The following CNTNAP2 variants were observed in gnomAD, a reference collection of about 807,000 sequenced individuals.
CNTNAP2 encodes contactin-associated protein-like 2.
Under a neutral mutation model 155.2 loss-of-function variants are expected in CNTNAP2, and 98 were observed. That is an observed-to-expected ratio of 0.63 (90% confidence interval 0.54 to 0.75). The LOEUF (loss-of-function observed/expected upper bound fraction) is 0.75. Ranked by LOEUF, CNTNAP2 falls within the 30% of genes least tolerant of loss-of-function variation. The pLI is 0.00. For missense variants in CNTNAP2, 1,727 were observed against 1,688.1 expected (o/e 1.02, Z -0.40); for synonymous variants, 651 against 631.2 (o/e 1.03, Z -0.47).
intron 8 of CNTNAP2, among the ~76,000 whole-genome samples, chr7:147,267,198 C>T (rs1264307509): frequency 2.0e-5 from 3 of 152,186 alleles, no homozygotes; most frequent in Non-Finnish European, 4.4e-5. Flanking sequence ...TTTGGTATTG[C>T]TGTATCCATA....
intron 10 of CNTNAP2, among the ~76,000 whole-genome samples, chr7:147,448,188 C>G (rs1797773104): frequency 6.6e-6 from 1 of 152,052 alleles, no homozygotes; most frequent in South Asian, 2.1e-4. Context: ...CATCTTCCCT[C>G]TGTTTCTGAA....
intron 8 of CNTNAP2, among the ~76,000 whole-genome samples, chr7:147,163,730 G>T (rs1393334773): frequency 6.6e-6 from 1 of 152,132 alleles, no homozygotes; most frequent in Admixed American, 6.6e-5. Flanking sequence ...AAATAAGTAT[G>T]TACCATATCA....
chr7:146,854,634 A>G (rs546508101), intron 3 of CNTNAP2, among the ~76,000 whole-genome samples: 10 of 152,320 alleles, frequency 6.6e-5, no homozygotes, highest in South Asian at 4.1e-4. Flanking sequence ...TCAGCATGAT[A>G]TAAGTACACG....
At chr7:148,337,069 G>A (rs1312829130) in intron 21 of CNTNAP2, among the ~76,000 whole-genome samples, 1 of 152,008 alleles carries the variant, frequency 6.6e-6, no homozygotes, top group Non-Finnish European at 1.5e-5. Flanking sequence ...ATTCATTCCC[G>A]AAATATTTAT....
intron 1 of CNTNAP2, among the ~76,000 whole-genome samples, chr7:146,395,813 A>G (rs1795614370): frequency 7.1e-6 from 1 of 141,262 alleles, no homozygotes; most frequent in Admixed American, 6.8e-5. Flanking sequence ...AGATAGATAG[A>G]TAGATAGATA....
At chr7:146,818,711 C>A (rs544451176) in intron 2 of CNTNAP2, among the ~76,000 whole-genome samples, 6 of 151,782 alleles carry the variant, frequency 4.0e-5, no homozygotes, top group Non-Finnish European at 8.8e-5. Flanking sequence ...GACATGTGAC[C>A]ACTAAATGAA....
intron 12 of CNTNAP2, among the ~76,000 whole-genome samples, chr7:147,567,917 C>A (rs369785901): frequency 6.6e-6 from 1 of 152,038 alleles, no homozygotes; most frequent in East Asian, 1.9e-4. Flanking sequence ...GAAACCCCGT[C>A]TCTACTAAAA....
At chr7:146,143,750 T>C (rs1416392892) in intron 1 of CNTNAP2, among the ~76,000 whole-genome samples, 1 of 151,962 alleles carries the variant, frequency 6.6e-6, no homozygotes, top group East Asian at 1.9e-4. Flanking sequence ...TAGAGTATCA[T>C]AGATCTAAAT....
intron 19 of CNTNAP2, among the ~76,000 whole-genome samples, chr7:148,221,036 C>G (rs994330266): frequency 3.3e-5 from 5 of 152,160 alleles, no homozygotes; most frequent in African/African-American, 1.2e-4. Flanking sequence ...CACTGCCACA[C>G]TAGATTTGGT....
intron 21 of CNTNAP2, among the ~76,000 whole-genome samples, chr7:148,301,441 GA>G (rs1296636708): frequency 6.6e-6 from 1 of 150,712 alleles, no homozygotes; most frequent in Non-Finnish European, 1.5e-5. Context: ...TAAATGTGTA[GA>G]AACAGATGGA....
chr7:146,708,127 A>G (rs1563197345), intron 1 of CNTNAP2, among the ~76,000 whole-genome samples: 2 of 152,162 alleles, frequency 1.3e-5, no homozygotes, highest in African/African-American at 2.4e-5. Flanking sequence ...AAATACAATG[A>G]ACACTTATAG....
intron 13 of CNTNAP2, among the ~76,000 whole-genome samples, chr7:147,716,895 C>A (rs555024485): frequency 6.6e-6 from 1 of 152,218 alleles, no homozygotes; most frequent in Non-Finnish European, 1.5e-5. Flanking sequence ...TATTTATATG[C>A]TTTATTACCA....
At chr7:147,385,091 A>G (rs1796602967) in intron 9 of CNTNAP2, among the ~76,000 whole-genome samples, 1 of 152,166 alleles carries the variant, frequency 6.6e-6, no homozygotes, top group Admixed American at 6.6e-5. Flanking sequence ...TCCCATTTTT[A>G]AAACCATCAG....
intron 12 of CNTNAP2, among the ~76,000 whole-genome samples, chr7:147,589,223 A>T (rs1191144383): frequency 6.6e-6 from 1 of 152,194 alleles, no homozygotes; most frequent in African/African-American, 2.4e-5. Flanking sequence ...CTCAAATCAG[A>T]CAGCTGGTTA....
chr7:146,741,080 C>T (rs913346713), intron 1 of CNTNAP2, among the ~76,000 whole-genome samples: 1 of 152,086 alleles, frequency 6.6e-6, no homozygotes, highest in African/African-American at 2.4e-5. Flanking sequence ...ACATCCCTTT[C>T]ATTCTATCTA....
intron 13 of CNTNAP2, among the ~76,000 whole-genome samples, chr7:147,802,034 G>A (rs1465623318): frequency 6.6e-6 from 1 of 151,370 alleles, no homozygotes; most frequent in Non-Finnish European, 1.5e-5. Context: ...TGGCTGCCGG[G>A]CGGAGGGGCT....
chr7:148,161,219 G>A (rs530346539), intron 17 of CNTNAP2, among the ~76,000 whole-genome samples: 31 of 152,234 alleles, frequency 2.0e-4, no homozygotes, highest in South Asian at 1.9e-3. Flanking sequence ...GCACCATAAC[G>A]CAGGTGTCTT....
chr7:148,345,151 TGGG>T (rs1008906986), intron 21 of CNTNAP2, among the ~76,000 whole-genome samples: 6 of 151,528 alleles, frequency 4.0e-5, no homozygotes, highest in Non-Finnish European at 5.9e-5. Flanking sequence ...CTTAGGGAGG[TGGG>T]GACCCATCTT....
At chr7:146,553,987 AAC>A (rs750990340) in intron 1 of CNTNAP2, among the ~76,000 whole-genome samples, 10 of 152,258 alleles carry the variant, frequency 6.6e-5, no homozygotes, top group Admixed American at 1.3e-4. Context: ...GAAATGTTTG[AAC>A]ACACACACAG....
Sources: gnomAD v4.1 joint callset for allele counts (sites outside exome capture counted in the v4.1 genomes callset) on GRCh38, gnomAD v4.1.1 for gene constraint, MANE v1.5 for transcripts, NCBI Gene and HGNC (gene_info 2026-07-23, HGNC 2026-07-21) for gene names.